FCHSD1: variants seen among roughly 807,000 people sequenced by gnomAD.
FCHSD1 encodes the protein F-BAR and double SH3 domains protein 1.
Under a neutral mutation model 101.3 loss-of-function variants are expected in FCHSD1, and 109 were observed. The ratio of observed to expected loss-of-function variants is 1.08; its 90% confidence interval spans 0.92 to 1.26. The LOEUF is 1.26. FCHSD1 is among the 50% of genes most tolerant of loss of function. The pLI, the probability that FCHSD1 is intolerant of heterozygous loss-of-function variation, is 0.00. For synonymous variants in FCHSD1, 291 were observed against 356.8 expected, an observed-to-expected ratio of 0.82 and a Z score of 2.08; for missense variants, 820 against 895.8, an observed-to-expected ratio of 0.92 and a Z score of 1.08.
Position 141,644,197 on chromosome 5 carries a change from C to CAGGGAGA in FCHSD1, c.1863+14_1863+20dup, listed in dbSNP as rs148872822. 7.7e-4 allele frequency: 1,226 copies of CAGGGAGA among 1,595,298 alleles called. 6 individuals are homozygous for CAGGGAGA. In the African/African-American group the frequency reaches 0.013, roughly 16 times the overall value. On this transcript the variant is annotated intron_variant, in intron 17 of 19. Coordinates refer to ENST00000435817, the MANE Select transcript of FCHSD1 (RefSeq NM_033449.3). ...TCAACCCAGAGGTGCCTGGGGAGTT[C>CAGGGAGA]AGGGAGAAGGTAAGCCTCACCTGTT... is the stretch of plus-strand genomic sequence containing the variant.
chr5:141,647,314 C>T, intron 9 of FCHSD1, 84 bp from the exon 10 acceptor site: 1 of 1,564,048 alleles, frequency 6.4e-7, no homozygotes, highest in Admixed American at 1.9e-5. Flanking sequence ...AGAAAAAGGA[C>T]AATGTGTGAA....
chr5:141,649,589 A>C lies in FCHSD1; in HGVS notation c.234-53T>G. 6.4e-7 allele frequency: 1 copy of C among 1,571,190 alleles called. No homozygotes were observed. The highest frequency in any genetic ancestry group is 8.6e-7 in the Non-Finnish European group (1 of 1,160,814). On this transcript the variant is annotated intron_variant, in intron 4 of 19. Coordinates refer to ENST00000435817, the MANE Select transcript of FCHSD1 (RefSeq NM_033449.3). This position sits in a 1 kb window ranked among gnomAD's most constrained non-coding sequence, Gnocchi z 4.1. ...GGAGAGCACTCCACAGCTTCATGAG[A>C]CCACCCCCACCCCCTGCCCCCTGAC...
Position 141,641,328 on chromosome 5 carries a change from G to A in FCHSD1, c.*170C>T, listed in dbSNP as rs999139462. On this transcript the variant is annotated 3_prime_UTR_variant, in exon 20 of 20. Transcript: ENST00000435817. ...ATAGAACAATGGGAAAAAAAGGAGT[G>A]GGTTCCAGCTCTAGAAATGGGAAGG... 1 of 543,182 alleles carries A rather than the reference G, an allele frequency of 1.8e-6. No homozygotes were observed. Among genetic ancestry groups the A allele is most frequent in the Non-Finnish European group, 3.2e-6 (1 of 312,776 alleles). The allele number at this position is 543,182 out of a possible 1,614,324, so 33.6% of individuals were successfully genotyped here.
intron 18 of FCHSD1, chr5:141,642,718 G>A: frequency 1.8e-6 from 1 of 542,856 alleles, no homozygotes; most frequent in Non-Finnish European, 3.2e-6. Flanking sequence ...TAGTCCACAG[G>A]CATCTTTTTT....
chr5:141,642,710 G>A (rs1053087340), intron 18 of FCHSD1: 2 of 547,416 alleles, frequency 3.7e-6, no homozygotes, highest in East Asian at 3.2e-5. Flanking sequence ...ATGCTGTGTA[G>A]TCCACAGGCA....
chr5:141,647,020 C>A (rs980643932), intron 10 of FCHSD1, 115 bp downstream of exon 10: 11 of 1,063,598 alleles, frequency 1.0e-5, no homozygotes, highest in Middle Eastern at 2.1e-4. Flanking sequence ...AGTTCTGAAA[C>A]CCCCTCTCCA....
intron 17 of FCHSD1, among the ~76,000 whole-genome samples, chr5:141,643,901 T>C (rs1253614855): frequency 6.6e-6 from 1 of 151,260 alleles, no homozygotes; most frequent in Non-Finnish European, 1.5e-5. Flanking sequence ...ATTATGACAG[T>C]GAGCCTGCTA....
intron 9 of FCHSD1, 66 bp downstream of exon 9, chr5:141,647,332 G>T: frequency 1.9e-6 from 3 of 1,569,042 alleles, no homozygotes; most frequent in Admixed American, 1.9e-5. Flanking sequence ...GAAGCAAAGA[G>T]GGCTGCATTG....
Position 141,642,983 on chromosome 5 carries a change from C to T in FCHSD1, c.1951+18G>A, listed in dbSNP as rs1221549951. ...CCTGTCTGTTAGCCTCCCAAGGCTC[C>T]CAGTTCCTTCCACTCACCCCCAGGC... On this transcript the variant is annotated intron_variant, in intron 18 of 19. Transcript: ENST00000435817. The T allele has an allele frequency of 6.4e-7, 1 of 1,554,800 alleles. No homozygotes were observed.
In FCHSD1 at chr5:141,644,447, G is replaced by A. The variant is rs767678624; in HGVS notation, c.1643-9C>T. ...GGCCTGTGCCAGGAATGCTACAGAG[G>A]CCCAGGAGAGACGGTGAGAGGGAGG... On this transcript the variant is annotated splice_polypyrimidine_tract_variant and intron_variant, in intron 16 of 19. Coordinates refer to ENST00000435817, the MANE Select transcript of FCHSD1 (RefSeq NM_033449.3). 1 of 1,612,462 alleles carries A rather than the reference G, an allele frequency of 6.2e-7. No individual in the cohort carries two copies. Among genetic ancestry groups the A allele is most frequent in the Non-Finnish European group, 8.5e-7 (1 of 1,178,856 alleles).
At position 141,649,428 on chromosome 5, in the gene FCHSD1, T is replaced by C. The variant is rs905798628; in HGVS notation, c.342A>G (p.Thr114=). 1.2e-6 allele frequency: 2 copies of C among 1,614,042 alleles called. No individual in the cohort carries two copies. Among genetic ancestry groups the C allele is most frequent in the East Asian group, 2.2e-5 (1 of 44,884 alleles). Residue 114 remains threonine (T), a synonymous_variant, in exon 5 of 20, where the codon ACA becomes ACG. Transcript: ENST00000435817. The surrounding 1 kb of genome is among the most constrained non-coding windows in gnomAD (Gnocchi z 4.1). ...GCACCTGCTCCTTGGCGCTCCGCCC[T>C]GTACCCCCTGCTAGGTCACGGTATC... ...SDRYRDLAGG[T]GRSAKEQVLR...
At chr5:141,647,351 G>A in intron 9 of FCHSD1, 47 bp downstream of exon 9, 1 of 1,572,120 alleles carries the variant, frequency 6.4e-7, no homozygotes, top group Non-Finnish European at 8.6e-7. Flanking sequence ...TGGGAGGGAA[G>A]GGTAAAAAGG....
At position 141,639,557 on chromosome 5, in the gene FCHSD1, C is replaced by T. The variant is rs2099906585; in HGVS notation, c.*1941G>A. ...CAGCCCCTTGCCTCCATTGCAGCCG[C>T]AGCAAGAGGCCTCCACTTGTCCGTC... On this transcript the variant is annotated 3_prime_UTR_variant, in exon 20 of 20. Coordinates refer to ENST00000435817, the MANE Select transcript of FCHSD1 (RefSeq NM_033449.3). The surrounding 1 kb of genome is among the most constrained non-coding windows in gnomAD (Gnocchi z 4.4). The T allele has an allele frequency of 6.2e-7, 1 of 1,613,896 alleles. No individual in the cohort carries two copies. Among genetic ancestry groups the T allele is most frequent in the Admixed American group, 1.7e-5 (1 of 59,996 alleles).
chr5:141,651,267 C>T (rs1311439309), intron 1 of FCHSD1, 81 bp downstream of exon 1: 21 of 1,547,168 alleles, frequency 1.4e-5, no homozygotes, highest in Non-Finnish European at 1.7e-5. Context: ...GACTTCCCGT[C>T]TCCTACCACA....
intron 18 of FCHSD1, 192 bp downstream of exon 18, chr5:141,642,809 A>G: frequency 1.7e-6 from 1 of 577,942 alleles, no homozygotes; most frequent in Non-Finnish European, 3.0e-6. Flanking sequence ...CAGGTTCAGA[A>G]TCCCACCACA....
chr5:141,639,991 G>T lies in FCHSD1; in HGVS notation c.*1507C>A. 1 of 1,613,784 alleles carries T rather than the reference G, an allele frequency of 6.2e-7. No homozygotes were observed. Among genetic ancestry groups the T allele is most frequent in the Non-Finnish European group, 8.5e-7 (1 of 1,179,852 alleles). On this transcript the variant is annotated 3_prime_UTR_variant, in exon 20 of 20. Transcript: ENST00000435817. This position sits in a 1 kb window ranked among gnomAD's most constrained non-coding sequence, Gnocchi z 4.4. ...CGTGATGGCTCCCCCACAGACAGGAGCTGGGGCTCTGGTGGGGGACAGGAC... is the reference window on the plus strand; with the variant it reads ...CGTGATGGCTCCCCCACAGACAGGATCTGGGGCTCTGGTGGGGGACAGGAC...
Position 141,649,058 on chromosome 5 carries a change from G to A in FCHSD1, c.513-38C>T, listed in dbSNP as rs1010087806. The A allele has an allele frequency of 6.2e-7, 1 of 1,613,762 alleles. No individual in the cohort carries two copies. The highest frequency in any genetic ancestry group is 8.5e-7 in the Non-Finnish European group (1 of 1,179,846). On this transcript the variant is annotated intron_variant, in intron 6 of 19. Coordinates refer to ENST00000435817, the MANE Select transcript of FCHSD1 (RefSeq NM_033449.3). The surrounding 1 kb of genome is among the most constrained non-coding windows in gnomAD (Gnocchi z 4.1). Reference sequence around the variant, plus strand: ...GAGAAAGGAGTCAGGCCCACCCCAAGTGGGAGAATATGAGATCAGAGTCAG... The same window carrying A: ...GAGAAAGGAGTCAGGCCCACCCCAAATGGGAGAATATGAGATCAGAGTCAG...
intron 17 of FCHSD1, 139 bp downstream of exon 17, chr5:141,644,079 T>G: frequency 2.1e-5 from 17 of 800,642 alleles, no homozygotes; most frequent in Non-Finnish European, 2.9e-5. Flanking sequence ...TGCCCCCCCA[T>G]AGGAGATGGG....
chr5:141,651,338 C>A lies in FCHSD1; in HGVS notation c.21+10G>T, dbSNP rs967706002. 13 of 1,553,950 alleles carry A rather than the reference C, an allele frequency of 8.4e-6. No individual in the cohort carries two copies. The highest frequency in any genetic ancestry group is 1.0e-5 in the Non-Finnish European group (12 of 1,148,380). On this transcript the variant is annotated intron_variant, in intron 1 of 19. Transcript: ENST00000435817. ...GCCCGCCAGGAGTCCCCATTCAGGG[C>A]CAAGCTCACTTTTCGGGGCGGCGGC...
Sources: allele counts gnomAD v4.1 joint callset (sites outside exome capture counted in the v4.1 genomes callset), GRCh38; gene constraint gnomAD v4.1.1; non-coding constraint Gnocchi (gnomAD v3.1); transcripts MANE v1.5; gene names NCBI Gene and HGNC (gene_info 2026-07-23, HGNC 2026-07-21).